Variants in SPMAP2L observed in about 807,000 individuals in gnomAD.
SPMAP2L encodes the protein sperm microtubule associated protein 2 like.
the SPMAP2L span, chr4:56,584,414 G>A: frequency 1.2e-6 from 1 of 808,998 alleles, no homozygotes; most frequent in Non-Finnish European, 2.0e-6. Flanking sequence ...TAATCGATTA[G>A]AAGTTGATTG....
chr4:56,567,791 G>T, the SPMAP2L span, among the ~76,000 whole-genome samples: 1 of 151,268 alleles, frequency 6.6e-6, no homozygotes, highest in Non-Finnish European at 1.5e-5. Flanking sequence ...CTTTGTCTCT[G>T]GTTTTTAAAA....
At chr4:56,595,567 C>T in the SPMAP2L span, 28 of 1,379,958 alleles carry the variant, frequency 2.0e-5, no homozygotes, top group East Asian at 6.2e-4. Context: ...GAGGTGGCAG[C>T]ATTCCCACTC....
chr4:56,561,713 G>A, the SPMAP2L span, among the ~76,000 whole-genome samples: 4 of 151,800 alleles, frequency 2.6e-5, no homozygotes, highest in African/African-American at 7.3e-5. Context: ...CCACCATACT[G>A]GAAATCAAAT....
At chr4:56,601,124 G>A in the SPMAP2L span, 6 of 1,528,792 alleles carry the variant, frequency 3.9e-6, no homozygotes, top group South Asian at 1.2e-5. Context: ...GTCAATTTCA[G>A]GCTAAAGTGG....
At chr4:56,609,142 C>T in the SPMAP2L span, among the ~76,000 whole-genome samples, 8 of 151,020 alleles carry the variant, frequency 5.3e-5, no homozygotes, top group Non-Finnish European at 1.0e-4. Context: ...CTCTGCCTCC[C>T]GGGTTCAAGT....
the SPMAP2L span, among the ~76,000 whole-genome samples, chr4:56,544,236 G>A: frequency 1.3e-5 from 2 of 152,100 alleles, no homozygotes; most frequent in Admixed American, 1.3e-4. Context: ...TGATCCGCCC[G>A]CCTTGGCCTC....
the SPMAP2L span, chr4:56,595,708 G>A: frequency 1.9e-6 from 2 of 1,041,288 alleles, no homozygotes; most frequent in Non-Finnish European, 3.0e-6. Flanking sequence ...GAACAAAAGA[G>A]GGCCTCTTCT....
At chr4:56,586,954 T>C in the SPMAP2L span, among the ~76,000 whole-genome samples, 1 of 152,188 alleles carries the variant, frequency 6.6e-6, no homozygotes. Flanking sequence ...TAGGTATCCT[T>C]GAGCATGGAT....
At chr4:56,573,409 T>C in the SPMAP2L span, among the ~76,000 whole-genome samples, 1 of 152,174 alleles carries the variant, frequency 6.6e-6, no homozygotes, top group Admixed American at 6.5e-5. Flanking sequence ...TGAGAGAATG[T>C]TGAGTAGCAG....
the SPMAP2L span, among the ~76,000 whole-genome samples, chr4:56,534,654 C>T: frequency 6.6e-6 from 1 of 152,156 alleles, no homozygotes; most frequent in Non-Finnish European, 1.5e-5. Flanking sequence ...GGGCTGGGTG[C>T]AGTGGCTTAC....
At chr4:56,598,682 G>A in the SPMAP2L span, among the ~76,000 whole-genome samples, 1 of 151,770 alleles carries the variant, frequency 6.6e-6, no homozygotes, top group South Asian at 2.1e-4. Flanking sequence ...GAATCACAGG[G>A]ATCAAGGAGA....
chr4:56,601,528 G>A, the SPMAP2L span, among the ~76,000 whole-genome samples: 1 of 152,178 alleles, frequency 6.6e-6, no homozygotes, highest in Admixed American at 6.5e-5. Flanking sequence ...GGAGGCAGAG[G>A]TGGGAAGATC....
At chr4:56,575,448 T>C in the SPMAP2L span, 1 of 1,525,106 alleles carries the variant, frequency 6.6e-7, no homozygotes, top group East Asian at 2.5e-5. Flanking sequence ...GAAAATACTA[T>C]GACAATTTGA....
At chr4:56,609,863 A>T in the SPMAP2L span, among the ~76,000 whole-genome samples, 1 of 152,184 alleles carries the variant, frequency 6.6e-6, no homozygotes, top group African/African-American at 2.4e-5. Flanking sequence ...CAGGCTGTAG[A>T]ACTGTGAGAA....
the SPMAP2L span, among the ~76,000 whole-genome samples, chr4:56,586,916 A>AC: frequency 6.6e-6 from 1 of 151,946 alleles, no homozygotes; most frequent in Admixed American, 6.6e-5. Flanking sequence ...CTTAAAAAAA[A>AC]CTGCCACACC....
chr4:56,543,617 G>A, the SPMAP2L span, among the ~76,000 whole-genome samples: 2 of 151,938 alleles, frequency 1.3e-5, no homozygotes, highest in Non-Finnish European at 2.9e-5. Context: ...ACTTGAACCC[G>A]GGAGGCAGAG....
the SPMAP2L span, among the ~76,000 whole-genome samples, chr4:56,611,992 T>G: frequency 1.3e-5 from 2 of 152,208 alleles, no homozygotes; most frequent in Non-Finnish European, 2.9e-5. Flanking sequence ...CTCCCTTGCT[T>G]TAGCCAGCTC....
the SPMAP2L span, chr4:56,575,491 T>A: frequency 6.5e-7 from 1 of 1,533,580 alleles, no homozygotes; most frequent in Non-Finnish European, 8.7e-7. Flanking sequence ...TCTTTTCTCT[T>A]CTACAACTTG....
the SPMAP2L span, among the ~76,000 whole-genome samples, chr4:56,581,158 AT>A: frequency 6.6e-6 from 1 of 151,954 alleles, no homozygotes; most frequent in African/African-American, 2.4e-5. Context: ...TCTACTAAAA[AT>A]AAAAAAAAAA....
Sources: gnomAD v4.1 joint callset for allele counts (sites outside exome capture counted in the v4.1 genomes callset) on GRCh38, gnomAD v4.1.1 for gene constraint, MANE v1.5 for transcripts, NCBI Gene and HGNC (gene_info 2026-07-23, HGNC 2026-07-21) for gene names.